Variants in DLG2 observed in about 807,000 individuals in gnomAD.
The protein encoded by DLG2 is discs large MAGUK scaffold protein 2, also known as disks large homolog 2.
In DLG2, 45 loss-of-function variants were observed where a neutral mutation model predicts 132.5. That is an observed-to-expected ratio of 0.34 (90% CI 0.27 to 0.44). The LOEUF (loss-of-function observed/expected upper bound fraction) is 0.44. Ranked by LOEUF, DLG2 falls within the 20% of genes least tolerant of loss-of-function variation. DLG2 has a pLI of 1.00. For missense variants in DLG2, 1,045 were observed against 1,196.9 expected (o/e 0.87, Z 1.87); for synonymous variants, 424 against 419.6 (o/e 1.01, Z -0.13).
chr11:84,688,873 C>G (rs1413188944), intron 6 of DLG2, among the ~76,000 whole-genome samples: 1 of 152,130 alleles, frequency 6.6e-6, no homozygotes, highest in Non-Finnish European at 1.5e-5. Context: ...ATGAAATCCT[C>G]AAAAGCAAAA....
At chr11:84,643,898 AG>A (rs2099671228) in intron 6 of DLG2, among the ~76,000 whole-genome samples, 3 of 152,204 alleles carry the variant, frequency 2.0e-5, no homozygotes, top group African/African-American at 7.2e-5. Context: ...TCATTGTGCC[AG>A]GTAGTTTATA....
intron 6 of DLG2, among the ~76,000 whole-genome samples, chr11:84,760,907 C>T (rs563210730): frequency 2.6e-5 from 4 of 152,152 alleles, no homozygotes; most frequent in Non-Finnish European, 5.9e-5. Flanking sequence ...ACTCCATCCC[C>T]CTCTTCCTGC....
intron 6 of DLG2, among the ~76,000 whole-genome samples, chr11:84,588,030 C>G (rs2099533880): frequency 6.6e-6 from 1 of 152,122 alleles, no homozygotes; most frequent in Non-Finnish European, 1.5e-5. Context: ...TTTAGGATGA[C>G]CTACATAGCT....
At chr11:85,118,462 C>T (rs185231145) in intron 5 of DLG2, among the ~76,000 whole-genome samples, 69 of 152,106 alleles carry the variant, frequency 4.5e-4, no homozygotes, top group African/African-American at 1.5e-3. Flanking sequence ...CACCTAGCTA[C>T]CCAGATTAAC....
At chr11:85,121,740 T>A (rs950242608) in intron 5 of DLG2, among the ~76,000 whole-genome samples, 1 of 152,160 alleles carries the variant, frequency 6.6e-6, no homozygotes, top group Admixed American at 6.5e-5. Flanking sequence ...TATTCACAGA[T>A]AAGTTTACCA....
chr11:84,069,345 C>T (rs1371846908), intron 10 of DLG2, among the ~76,000 whole-genome samples: 3 of 152,200 alleles, frequency 2.0e-5, no homozygotes, highest in Admixed American at 2.0e-4. Context: ...TGACTCCAAA[C>T]CCAACCCCTC....
chr11:84,111,139 A>G (rs1299343103), intron 9 of DLG2, among the ~76,000 whole-genome samples: 1 of 152,192 alleles, frequency 6.6e-6, no homozygotes, highest in Non-Finnish European at 1.5e-5. Context: ...CAAAATATCG[A>G]AACTTAGTTA....
At chr11:85,505,829 G>A (rs903312062) in intron 3 of DLG2, among the ~76,000 whole-genome samples, 1 of 152,186 alleles carries the variant, frequency 6.6e-6, no homozygotes, top group Non-Finnish European at 1.5e-5. Context: ...GTAGAATCCA[G>A]CTGTGAATCC....
chr11:84,616,008 C>T (rs899343604), intron 6 of DLG2, among the ~76,000 whole-genome samples: 1 of 151,722 alleles, frequency 6.6e-6, no homozygotes, highest in Admixed American at 6.6e-5. Context: ...TCAAGACAGA[C>T]ATTAGTAAGC....
chr11:84,380,018 T>C (rs1481575398), intron 7 of DLG2, among the ~76,000 whole-genome samples: 1 of 151,464 alleles, frequency 6.6e-6, no homozygotes, highest in African/African-American at 2.4e-5. Flanking sequence ...TATAAGAGAG[T>C]AGAGTTACAT....
chr11:85,595,295 T>C (rs617248), intron 3 of DLG2, among the ~76,000 whole-genome samples: 152,160 of 152,166 alleles, frequency 1, 76,077 homozygotes, highest in Non-Finnish European at 1. Context: ...TGTTTTGGAA[T>C]ATTAATGAAC....
At chr11:84,270,896 T>C (rs2097713086) in intron 7 of DLG2, among the ~76,000 whole-genome samples, 1 of 152,216 alleles carries the variant, frequency 6.6e-6, no homozygotes, top group African/African-American at 2.4e-5. Flanking sequence ...GTCACTGATT[T>C]AACATAATAG....
intron 8 of DLG2, among the ~76,000 whole-genome samples, chr11:84,213,115 T>C (rs1300775687): frequency 1.3e-5 from 2 of 152,106 alleles, no homozygotes; most frequent in African/African-American, 2.4e-5. Context: ...CAAACATAAA[T>C]CTTCAAAATG....
chr11:83,504,902 A>T (rs997614083), intron 21 of DLG2, among the ~76,000 whole-genome samples: 1 of 152,172 alleles, frequency 6.6e-6, no homozygotes, highest in Non-Finnish European at 1.5e-5. Context: ...TTACAAAGCT[A>T]TTTCACCATT....
At chr11:85,245,671 G>T (rs1202241418) in intron 4 of DLG2, among the ~76,000 whole-genome samples, 4 of 151,824 alleles carry the variant, frequency 2.6e-5, no homozygotes, top group African/African-American at 9.7e-5. Flanking sequence ...TTCTTGTAAT[G>T]AATTTACCCA....
intron 6 of DLG2, among the ~76,000 whole-genome samples, chr11:85,023,837 C>T (rs1382339774): frequency 6.6e-6 from 1 of 152,048 alleles, no homozygotes; most frequent in Non-Finnish European, 1.5e-5. Flanking sequence ...TTCATATCCT[C>T]ATTAAATTCT....
At chr11:84,574,374 A>AC (rs2099493828) in intron 6 of DLG2, among the ~76,000 whole-genome samples, 1 of 152,066 alleles carries the variant, frequency 6.6e-6, no homozygotes, top group African/African-American at 2.4e-5. Flanking sequence ...AAAAAAAAAA[A>AC]ACCTCTTAAA....
At position 83,462,106 on chromosome 11, in the gene DLG2, G is replaced by T; in HGVS notation, c.2730-13C>A. On this transcript the variant is annotated splice_polypyrimidine_tract_variant and intron_variant, in intron 26 of 27. Transcript: ENST00000376104. ...CTTATTCATCTCCCTGGGAAAATGA[G>T]GGTTTGTATTAGAACATAAAGGGAA... 1 of 1,551,272 alleles carries T rather than the reference G, an allele frequency of 6.4e-7. No homozygotes were observed. Among genetic ancestry groups the T allele is most frequent in the Admixed American group, 1.7e-5 (1 of 59,910 alleles).
At chr11:85,003,282 T>C (rs975432854) in intron 6 of DLG2, among the ~76,000 whole-genome samples, 19 of 152,144 alleles carry the variant, frequency 1.2e-4, no homozygotes, top group Non-Finnish European at 2.2e-4. Context: ...TCTGGGAGAA[T>C]TGAATTGTTA....
Sources: gnomAD v4.1 joint callset for allele counts (sites outside exome capture counted in the v4.1 genomes callset) on GRCh38, gnomAD v4.1.1 for gene constraint, MANE v1.5 for transcripts, NCBI Gene and HGNC (gene_info 2026-07-23, HGNC 2026-07-21) for gene names.